KIFAP3: variants seen among roughly 807,000 people sequenced by gnomAD.
KIFAP3 encodes kinesin-associated protein 3.
In KIFAP3, 68 loss-of-function variants were observed where a neutral mutation model predicts 106.5. The observed-to-expected ratio is 0.64, with a 90% CI of 0.53 to 0.78. The LOEUF (loss-of-function observed/expected upper bound fraction) is 0.78. Among genes scored for constraint, KIFAP3 ranks in the 30% least tolerant of loss-of-function variants. KIFAP3 has a pLI of 0.00. For synonymous variants in KIFAP3, 320 were observed against 311.5 expected (o/e 1.03, Z -0.29); for missense variants, 780 against 941.8 (o/e 0.83, Z 2.25).
At chr1:170,042,612 A>G (rs1290853508) in intron 3 of KIFAP3, among the ~76,000 whole-genome samples, 1 of 152,124 alleles carries the variant, frequency 6.6e-6, no homozygotes, top group Non-Finnish European at 1.5e-5. Context: ...AAGGGGAGGT[A>G]CTAACTGAGG....
intron 10 of KIFAP3, among the ~76,000 whole-genome samples, chr1:169,995,899 T>C (rs998695275): frequency 6.6e-6 from 1 of 152,098 alleles, no homozygotes; most frequent in Non-Finnish European, 1.5e-5. Context: ...TTTATATACA[T>C]GTATGTATAC....
At chr1:169,930,234 T>C (rs936674513) in intron 19 of KIFAP3, among the ~76,000 whole-genome samples, 14 of 152,358 alleles carry the variant, frequency 9.2e-5, no homozygotes, top group Middle Eastern at 3.4e-3. Context: ...GAGATTCTTC[T>C]ATTAACTCTA....
At chr1:169,953,672 A>G (rs1338301405) in intron 19 of KIFAP3, among the ~76,000 whole-genome samples, 3 of 151,604 alleles carry the variant, frequency 2.0e-5, no homozygotes, top group Admixed American at 6.6e-5. Context: ...CCACCACCAC[A>G]CCCGGCTAAT....
intron 16 of KIFAP3, among the ~76,000 whole-genome samples, chr1:169,974,344 C>A (rs1037756055): frequency 1.3e-5 from 2 of 151,958 alleles, no homozygotes; most frequent in African/African-American, 2.4e-5. Flanking sequence ...TACACAAGTA[C>A]ATACCATTAT....
chr1:169,960,934 C>A, intron 18 of KIFAP3, 112 bp downstream of exon 18: 2 of 675,632 alleles, frequency 3.0e-6, no homozygotes, highest in Admixed American at 3.1e-5. Context: ...ATTAGCAGAC[C>A]ATTCATAAAC....
At chr1:169,941,874 TATG>T (rs1664138399) in intron 19 of KIFAP3, among the ~76,000 whole-genome samples, 1 of 152,208 alleles carries the variant, frequency 6.6e-6, no homozygotes, top group African/African-American at 2.4e-5. Context: ...AGAAAATAAA[TATG>T]ATTCTTTATG....
upstream of KIFAP3, among the ~76,000 whole-genome samples, chr1:170,075,401 C>T (rs1207114286): frequency 6.6e-6 from 1 of 152,156 alleles, no homozygotes; most frequent in Non-Finnish European, 1.5e-5. Flanking sequence ...AAACACCAAA[C>T]CAGGCTCTAG....
chr1:169,952,788 A>G (rs1169093931), intron 19 of KIFAP3, among the ~76,000 whole-genome samples: 1 of 152,130 alleles, frequency 6.6e-6, no homozygotes, highest in Admixed American at 6.5e-5. Flanking sequence ...GTTAAAATAT[A>G]TACGATGAAT....
intron 2 of KIFAP3, among the ~76,000 whole-genome samples, chr1:170,047,904 A>G (rs1231047459): frequency 1.3e-5 from 2 of 152,216 alleles, no homozygotes; most frequent in Non-Finnish European, 2.9e-5. Context: ...ACCTAGTGTC[A>G]AAAGACTGTC....
intron 3 of KIFAP3, chr1:170,041,915 C>T: frequency 3.1e-6 from 4 of 1,293,316 alleles, no homozygotes; most frequent in East Asian, 2.7e-5. Context: ...GGGGGAAGTA[C>T]TCCTGGGCGA....
At chr1:170,017,925 G>A (rs2102005554) in intron 9 of KIFAP3, among the ~76,000 whole-genome samples, 1 of 152,330 alleles carries the variant, frequency 6.6e-6, no homozygotes, top group Middle Eastern at 3.4e-3. Context: ...ATGGTACTCA[G>A]TGAATATTTA....
intron 10 of KIFAP3, among the ~76,000 whole-genome samples, chr1:169,994,899 G>A (rs747425812): frequency 2.6e-5 from 4 of 152,042 alleles, no homozygotes; most frequent in Non-Finnish European, 4.4e-5. Context: ...TAAGGATAAT[G>A]ATTATTGACT....
In KIFAP3 at chr1:169,921,551, T is replaced by A. The variant is rs769209419; in HGVS notation, c.*125A>T. On this transcript the variant is annotated 3_prime_UTR_variant, in exon 20 of 20. Transcript: ENST00000361580. Reference sequence around the variant, plus strand: ...GGGTTAATCTGCAGCTAACAACATATAAAAATAAAAACAAACACAGACCCA... The same window carrying A: ...GGGTTAATCTGCAGCTAACAACATAAAAAAATAAAAACAAACACAGACCCA... 19 of 698,506 alleles carry A rather than the reference T, an allele frequency of 2.7e-5. No homozygotes were observed. Among genetic ancestry groups the A allele is most frequent in the Non-Finnish European group, 3.9e-5 (16 of 409,718 alleles). 43.3% of individuals were successfully genotyped at this position (698,506 alleles called of 1,614,324 possible).
At chr1:170,069,184 T>G (rs775957141) in intron 1 of KIFAP3, among the ~76,000 whole-genome samples, 2 of 152,052 alleles carry the variant, frequency 1.3e-5, no homozygotes, top group Non-Finnish European at 2.9e-5. Flanking sequence ...ACAGAAAATC[T>G]GAACAGAATT....
At chr1:170,047,518 G>T (rs1331684488) in intron 2 of KIFAP3, among the ~76,000 whole-genome samples, 2 of 151,102 alleles carry the variant, frequency 1.3e-5, no homozygotes, top group African/African-American at 4.9e-5. Context: ...CTACTCGGGA[G>T]GTTGAGGCAG....
At chr1:169,995,336 G>A (rs764347016) in intron 10 of KIFAP3, among the ~76,000 whole-genome samples, 3 of 151,674 alleles carry the variant, frequency 2.0e-5, no homozygotes, top group Admixed American at 1.3e-4. Context: ...TTTTTCCCCC[G>A]GAAATTGAGA....
At chr1:170,035,804 CAT>C (rs1397371529) in intron 5 of KIFAP3, among the ~76,000 whole-genome samples, 47 of 151,974 alleles carry the variant, frequency 3.1e-4, no homozygotes, top group Non-Finnish European at 5.6e-4. Flanking sequence ...GATAAAGTGA[CAT>C]ATGTTATGGT....
At chr1:170,048,948 C>T (rs1670424780) in intron 2 of KIFAP3, among the ~76,000 whole-genome samples, 1 of 152,190 alleles carries the variant, frequency 6.6e-6, no homozygotes, top group African/African-American at 2.4e-5. Context: ...TTTCTTACCC[C>T]AGGTGCCTGG....
intron 19 of KIFAP3, among the ~76,000 whole-genome samples, chr1:169,945,301 G>T (rs186669186): frequency 3.3e-4 from 50 of 152,306 alleles, no homozygotes; most frequent in Non-Finnish European, 6.2e-4. Flanking sequence ...TTCCGAACCT[G>T]CAGGGGCAGG....
Sources: gnomAD v4.1 joint callset for allele counts (sites outside exome capture counted in the v4.1 genomes callset) on GRCh38, gnomAD v4.1.1 for gene constraint, MANE v1.5 for transcripts, NCBI Gene and HGNC (gene_info 2026-07-23, HGNC 2026-07-21) for gene names.